The following SLC9C2 variants were observed in gnomAD, a reference collection of about 807,000 sequenced individuals.
SLC9C2 encodes the protein solute carrier family 9 member C2 (putative).
Under a neutral mutation model 140.2 loss-of-function variants are expected in SLC9C2, and 75 were observed. The ratio of observed to expected loss-of-function variants is 0.53; its 90% CI spans 0.44 to 0.65. SLC9C2 has a LOEUF of 0.65. Among genes scored for constraint, SLC9C2 ranks in the 30% least tolerant of loss-of-function variants. SLC9C2 has a pLI of 0.00. For missense variants in SLC9C2, 1,074 were observed against 1,331.8 expected (o/e 0.81, Z 3.01); for synonymous variants, 375 against 420.9 (o/e 0.89, Z 1.34).
chr1:173,535,895 T>C lies in SLC9C2; in HGVS notation c.1710A>G (p.Ile570Met), dbSNP rs754463303. 1.9e-4 allele frequency: 284 copies of C among 1,514,912 alleles called. No individual in the cohort carries two copies. The highest frequency in any genetic ancestry group is 2.5e-4 in the Non-Finnish European group (284 of 1,127,586). 93.8% of individuals were successfully genotyped at this position (1,514,912 alleles called of 1,614,324 possible). A position where few individuals can be genotyped will look rare whatever the true frequency, so the allele number is the denominator to read the frequency against. Residue 570 changes from isoleucine (I) to methionine (M), a missense_variant, in exon 15 of 28, where the codon ATA becomes ATG. Physicochemically the swap from Ile to Met is conservative, Grantham distance 10 (BLOSUM62 1). Transcript: ENST00000367714. Reference sequence around the variant, plus strand: ...AGAAAGTTAAAACATTTTTAAACTTTATAAGCCAACTTCTAGTTCTCATAT... The same window carrying C: ...AGAAAGTTAAAACATTTTTAAACTTCATAAGCCAACTTCTAGTTCTCATAT... Reference protein sequence around the residue: ...STYMRTRSWLIKFKNVLTFLE... With the variant: ...STYMRTRSWLMKFKNVLTFLE...
At chr1:173,513,196 G>A (rs1344754516) in intron 23 of SLC9C2, among the ~76,000 whole-genome samples, 1 of 152,098 alleles carries the variant, frequency 6.6e-6, no homozygotes, top group African/African-American at 2.4e-5. Context: ...TTAGGGAGGT[G>A]TCCCACCTTT....
chr1:173,531,217 T>C (rs1169036737), intron 17 of SLC9C2, among the ~76,000 whole-genome samples: 2 of 152,184 alleles, frequency 1.3e-5, no homozygotes, highest in Non-Finnish European at 2.9e-5. Flanking sequence ...ATAGTGAGTG[T>C]TCAATTAAAA....
At chr1:173,518,328 G>A (rs1363804579) in intron 22 of SLC9C2, among the ~76,000 whole-genome samples, 3 of 151,596 alleles carry the variant, frequency 2.0e-5, no homozygotes, top group Non-Finnish European at 4.4e-5. Context: ...ATCACTCATT[G>A]AGTCCATTAG....
At chr1:173,557,535 A>C in intron 9 of SLC9C2, 27 bp from the exon 10 acceptor site, 1 of 1,586,644 alleles carries the variant, frequency 6.3e-7, no homozygotes, top group South Asian at 1.2e-5. Context: ...ATTAAAAATA[A>C]ATCTCACCTT....
At chr1:173,521,132 T>C (rs566233840) in intron 22 of SLC9C2, among the ~76,000 whole-genome samples, 169 bp downstream of exon 22, 4 of 152,188 alleles carry the variant, frequency 2.6e-5, no homozygotes, top group Admixed American at 6.5e-5. Flanking sequence ...GGGAAGCACA[T>C]TTCAGGTGTT....
At chr1:173,504,051 T>A (rs1407968931) in intron 26 of SLC9C2, among the ~76,000 whole-genome samples, 2 of 152,048 alleles carry the variant, frequency 1.3e-5, no homozygotes, top group East Asian at 3.9e-4. Flanking sequence ...AGACCCTGAG[T>A]TCCCAGCCTT....
intron 23 of SLC9C2, among the ~76,000 whole-genome samples, chr1:173,515,038 CT>C (rs1660322825): frequency 1.3e-5 from 2 of 152,144 alleles, no homozygotes; most frequent in Non-Finnish European, 2.9e-5. Context: ...GTCTGATGGG[CT>C]TCCTTTTGTA....
chr1:173,503,314 G>T lies in SLC9C2; in HGVS notation c.3323C>A (p.Thr1108Lys), dbSNP rs558671181. ...ATTCTTTCCTGGTTGTTCAAAGACC[G>T]TGTTGACTGAGGCTAACCAAATCCA... ...SNTNVMASVNTVFEQPGKNIN... is the reference protein window; with the variant it reads ...SNTNVMASVNKVFEQPGKNIN... Residue 1108 changes from threonine (T) to lysine (K), a missense_variant, in exon 27 of 28, where the codon ACG becomes AAG. By Grantham distance (78) the Thr-to-Lys change is moderately conservative. Transcript: ENST00000367714. 1 of 1,613,548 alleles carries T rather than the reference G, an allele frequency of 6.2e-7. No homozygotes were observed. Among genetic ancestry groups the T allele is most frequent in the Non-Finnish European group, 8.5e-7 (1 of 1,179,758 alleles).
intron 13 of SLC9C2, among the ~76,000 whole-genome samples, chr1:173,540,044 A>G (rs1662264770): frequency 6.6e-6 from 1 of 152,160 alleles, no homozygotes; most frequent in Non-Finnish European, 1.5e-5. Context: ...TGGGGGTAAA[A>G]GTGACATTGT....
At chr1:173,569,595 T>C (rs1328613465) in intron 9 of SLC9C2, among the ~76,000 whole-genome samples, 1 of 152,126 alleles carries the variant, frequency 6.6e-6, no homozygotes, top group Non-Finnish European at 1.5e-5. Flanking sequence ...AGACTTGCCC[T>C]TCTGAGGTTA....
At chr1:173,523,727 A>G (rs553939188) in intron 21 of SLC9C2, among the ~76,000 whole-genome samples, 87 of 152,336 alleles carry the variant, frequency 5.7e-4, no homozygotes, top group Admixed American at 1.4e-3. Flanking sequence ...ATAGAATGGG[A>G]TTGGTAATAG....
chr1:173,594,093 A>G (rs1360373108), intron 4 of SLC9C2, among the ~76,000 whole-genome samples: 1 of 152,196 alleles, frequency 6.6e-6, no homozygotes, highest in Non-Finnish European at 1.5e-5. Flanking sequence ...CAAAAGCAAC[A>G]ATTAGGCTCA....
chr1:173,535,796 A>C (rs548343191), intron 15 of SLC9C2, 34 bp downstream of exon 15: 1 of 1,462,160 alleles, frequency 6.8e-7, no homozygotes, highest in Non-Finnish European at 9.1e-7. Flanking sequence ...TAGTATTTTC[A>C]AGTATGTTTC....
At chr1:173,590,017 C>A (rs1427062279) in intron 4 of SLC9C2, among the ~76,000 whole-genome samples, 1 of 152,112 alleles carries the variant, frequency 6.6e-6, no homozygotes, top group African/African-American at 2.4e-5. Flanking sequence ...CCCAGGCGAG[C>A]AGATCTTCTG....
intron 9 of SLC9C2, among the ~76,000 whole-genome samples, chr1:173,565,983 T>C (rs12027531): frequency 0.14 from 21,187 of 152,176 alleles, 1,766 homozygotes; most frequent in East Asian, 0.31. Flanking sequence ...TCACATAGAT[T>C]GATTTGCATA....
intron 23 of SLC9C2, 92 bp downstream of exon 23, chr1:173,517,445 T>A: frequency 1.6e-6 from 2 of 1,279,462 alleles, no homozygotes; most frequent in South Asian, 3.1e-5. Flanking sequence ...GTTGGGTGAC[T>A]AAGATGTCAA....
At chr1:173,516,217 C>T (rs1660405449) in intron 23 of SLC9C2, among the ~76,000 whole-genome samples, 1 of 152,186 alleles carries the variant, frequency 6.6e-6, no homozygotes, top group African/African-American at 2.4e-5. Flanking sequence ...TTTGAATTCC[C>T]CACACCTAGT....
intron 21 of SLC9C2, among the ~76,000 whole-genome samples, chr1:173,522,240 A>G: frequency 6.6e-6 from 1 of 152,060 alleles, no homozygotes; most frequent in Non-Finnish European, 1.5e-5. Context: ...AAAAATGCAG[A>G]AAAGCCACAG....
intron 21 of SLC9C2, 141 bp downstream of exon 21, chr1:173,523,828 A>G: frequency 5.4e-6 from 6 of 1,113,312 alleles, no homozygotes; most frequent in Non-Finnish European, 7.5e-6. Context: ...GTCTTCCTCT[A>G]GGCTTTCCTG....
Sources: gnomAD v4.1 joint callset for allele counts (sites outside exome capture counted in the v4.1 genomes callset) on GRCh38, gnomAD v4.1.1 for gene constraint, MANE v1.5 for transcripts, NCBI Gene and HGNC (gene_info 2026-07-23, HGNC 2026-07-21) for gene names.